CSRNP3: variants seen among roughly 807,000 people sequenced by gnomAD.
The protein encoded by CSRNP3 is cysteine and serine rich nuclear protein 3.
In CSRNP3, 12 loss-of-function variants were observed where a neutral mutation model predicts 48.0. That is an observed-to-expected ratio of 0.25 (90% CI 0.16 to 0.41). The LOEUF is 0.41. Among genes scored for constraint, CSRNP3 ranks in the 10% least tolerant of loss-of-function variants. The pLI, the probability that CSRNP3 is intolerant of heterozygous loss-of-function variation, is 1.00. For missense variants in CSRNP3, 580 were observed against 724.4 expected (o/e 0.80, Z 2.29); for synonymous variants, 263 against 269.7 (o/e 0.98, Z 0.24).
chr2:165,544,462 A>T (rs548824983), intron 3 of CSRNP3, among the ~76,000 whole-genome samples: 1 of 152,052 alleles, frequency 6.6e-6, no homozygotes, highest in Non-Finnish European at 1.5e-5. Flanking sequence ...TGAGAAGAGG[A>T]TGACATGATC....
At chr2:165,589,381 G>A (rs1016111926) in intron 3 of CSRNP3, among the ~76,000 whole-genome samples, 2 of 152,236 alleles carry the variant, frequency 1.3e-5, no homozygotes, top group Non-Finnish European at 2.9e-5. Flanking sequence ...GTGACATTTT[G>A]TTATAGTCAC....
chr2:165,550,626 C>A (rs1574833427), intron 3 of CSRNP3, among the ~76,000 whole-genome samples: 1 of 152,184 alleles, frequency 6.6e-6, no homozygotes, highest in East Asian at 1.9e-4. Flanking sequence ...AAGATTCATT[C>A]ATCCTTGTTT....
At chr2:165,603,867 C>G (rs1308506095) in intron 4 of CSRNP3, among the ~76,000 whole-genome samples, 1 of 152,206 alleles carries the variant, frequency 6.6e-6, no homozygotes, top group Admixed American at 6.6e-5. Context: ...ACTTTTCCCT[C>G]ACCTCCTATT....
At chr2:165,520,897 G>A (rs1255108408) in intron 3 of CSRNP3, among the ~76,000 whole-genome samples, 3 of 146,386 alleles carry the variant, frequency 2.0e-5, no homozygotes, top group African/African-American at 7.5e-5. Context: ...GCAGGATCTC[G>A]GCTCACTGCA....
intron 3 of CSRNP3, among the ~76,000 whole-genome samples, chr2:165,581,243 A>T (rs1429930132): frequency 6.6e-6 from 1 of 152,230 alleles, no homozygotes; most frequent in Non-Finnish European, 1.5e-5. Context: ...TTGTATGAAT[A>T]CTAATCACAA....
At chr2:165,592,801 C>CTT (rs374516256) in intron 3 of CSRNP3, among the ~76,000 whole-genome samples, 13,724 of 133,238 alleles carry the variant, frequency 0.1, 1,651 homozygotes, top group African/African-American at 0.19. Flanking sequence ...AACCTCTTTT[C>CTT]ATTTTTTTTT....
chr2:165,678,245 T>C (rs1687461823), intron 6 of CSRNP3, among the ~76,000 whole-genome samples: 2 of 152,164 alleles, frequency 1.3e-5, no homozygotes, highest in South Asian at 4.1e-4. Flanking sequence ...GTACATCATA[T>C]ATGTTAGATT....
chr2:165,639,844 C>A (rs575349141), intron 4 of CSRNP3, among the ~76,000 whole-genome samples: 1 of 152,144 alleles, frequency 6.6e-6, no homozygotes, highest in African/African-American at 2.4e-5. Flanking sequence ...TACCTTTTGT[C>A]TCTCATTCAT....
At chr2:165,615,286 G>C (rs1222579842) in intron 4 of CSRNP3, among the ~76,000 whole-genome samples, 1 of 152,102 alleles carries the variant, frequency 6.6e-6, no homozygotes. Context: ...GCTTACCCCT[G>C]TAATCCCAGC....
At chr2:165,603,448 C>A (rs1685951293) in intron 4 of CSRNP3, among the ~76,000 whole-genome samples, 1 of 152,130 alleles carries the variant, frequency 6.6e-6, no homozygotes, top group African/African-American at 2.4e-5. Context: ...CAAACCAGAC[C>A]AATTCTCCTT....
intron 4 of CSRNP3, among the ~76,000 whole-genome samples, chr2:165,641,873 T>C (rs1686726326): frequency 1.3e-5 from 2 of 152,202 alleles, no homozygotes; most frequent in South Asian, 2.1e-4. Context: ...TCTTCTGCTC[T>C]TTTGTTTCTC....
At chr2:165,618,173 G>C (rs1014680856) in intron 4 of CSRNP3, among the ~76,000 whole-genome samples, 2 of 152,204 alleles carry the variant, frequency 1.3e-5, no homozygotes, top group African/African-American at 4.8e-5. Flanking sequence ...AGCTAGGATT[G>C]CAGGTATCTA....
At chr2:165,551,458 G>A (rs1199447074) in intron 3 of CSRNP3, among the ~76,000 whole-genome samples, 1 of 152,046 alleles carries the variant, frequency 6.6e-6, no homozygotes, top group East Asian at 1.9e-4. Context: ...TTGTCCCTTG[G>A]TGCTAAATCA....
intron 4 of CSRNP3, among the ~76,000 whole-genome samples, chr2:165,648,407 T>C (rs561563810): frequency 4.6e-5 from 7 of 152,112 alleles, no homozygotes; most frequent in African/African-American, 1.2e-4. Context: ...ATATTTTCAG[T>C]GGGTTGTTAG....
intron 3 of CSRNP3, among the ~76,000 whole-genome samples, chr2:165,564,962 A>G (rs1044556456): frequency 2.6e-5 from 4 of 152,078 alleles, no homozygotes; most frequent in African/African-American, 7.2e-5. Context: ...TAAATATTGT[A>G]TAAATATGAT....
At chr2:165,605,940 A>G (rs1377549225) in intron 4 of CSRNP3, among the ~76,000 whole-genome samples, 1 of 152,144 alleles carries the variant, frequency 6.6e-6, no homozygotes, top group African/African-American at 2.4e-5. Context: ...GGAGCATAGA[A>G]TCAGAACCAC....
intron 2 of CSRNP3, among the ~76,000 whole-genome samples, chr2:165,513,767 T>C (rs1265840947): frequency 6.6e-6 from 1 of 152,188 alleles, no homozygotes; most frequent in Non-Finnish European, 1.5e-5. Flanking sequence ...GCCTTGACCA[T>C]TGCCAATCAA....
intron 4 of CSRNP3, among the ~76,000 whole-genome samples, chr2:165,655,392 G>T (rs1367238960): frequency 1.3e-5 from 2 of 152,038 alleles, no homozygotes; most frequent in African/African-American, 4.8e-5. Flanking sequence ...CTAACAATTG[G>T]GACATGAGTA....
intron 5 of CSRNP3, among the ~76,000 whole-genome samples, chr2:165,669,391 G>T (rs998173752): frequency 6.6e-6 from 1 of 152,048 alleles, no homozygotes; most frequent in African/African-American, 2.4e-5. Flanking sequence ...TTAGGTGTTT[G>T]GGGGCCCTTG....
Sources: allele counts gnomAD v4.1 joint callset (sites outside exome capture counted in the v4.1 genomes callset), GRCh38; gene constraint gnomAD v4.1.1; transcripts MANE v1.5; gene names NCBI Gene and HGNC (gene_info 2026-07-23, HGNC 2026-07-21).